Variants in KATNAL2 observed in about 807,000 individuals in gnomAD.
The protein encoded by KATNAL2 is katanin p60 ATPase-containing subunit A-like 2.
In KATNAL2, 52 loss-of-function variants were observed where a neutral mutation model predicts 76.3. That is an observed-to-expected ratio of 0.68 (90% confidence interval 0.55 to 0.86). The LOEUF is 0.86. KATNAL2 is among the 40% of genes least tolerant of loss of function. KATNAL2 has a pLI of 0.00. For synonymous variants in KATNAL2, 243 were observed against 244.2 expected, an observed-to-expected ratio of 1.00 and a Z score of 0.05; for missense variants, 660 against 668.9, an observed-to-expected ratio of 0.99 and a Z score of 0.15.
In KATNAL2 at chr18:47,066,356, C is replaced by G. The variant is rs554922694; in HGVS notation, c.727-665C>G. 7.9e-5 allele frequency among the ~76,000 whole-genome samples: 12 copies of G among 152,220 alleles called. No homozygotes were observed. The East Asian group carries it at 2.3e-3, about 29-fold the overall frequency. Reference sequence around the variant, plus strand: ...ACTGTAAATTAGTTATCAGTAAAAGCTACCTTAATTGATTATCCTAGATGG... The same window carrying G: ...ACTGTAAATTAGTTATCAGTAAAAGGTACCTTAATTGATTATCCTAGATGG... On this transcript the variant is annotated intron_variant, in intron 10 of 17. Transcript: ENST00000683218.
chr18:47,084,637 T>G (rs2062685233), intron 15 of KATNAL2, among the ~76,000 whole-genome samples: 2 of 151,746 alleles, frequency 1.3e-5, no homozygotes, highest in Admixed American at 1.3e-4. Context: ...TCACTTGAGG[T>G]CAGGTGTTCA....
rs58683275 is a variant in KATNAL2, at chr18:47,071,109, C to T, written c.1008+1509C>T. Among the ~76,000 whole-genome samples the T allele has an allele frequency of 1.0e-3, 155 of 152,240 alleles. 1 individual carries two copies. Among genetic ancestry groups the T allele is most frequent in the African/African-American group, 3.7e-3 (152 of 41,552 alleles). Reference sequence around the variant, plus strand: ...CGAGTATATGTGGGTTTCCCAGGATCGACTGTGGGACTCCCCAGTAGCTGA... The same window carrying T: ...CGAGTATATGTGGGTTTCCCAGGATTGACTGTGGGACTCCCCAGTAGCTGA... On this transcript the variant is annotated intron_variant, in intron 13 of 17. Coordinates refer to ENST00000683218, the MANE Select transcript of KATNAL2 (RefSeq NM_001387690.1).
rs750854833 is a variant in KATNAL2, at chr18:47,062,977, A to G, written c.555A>G (p.Gln185=). The G allele has an allele frequency of 6.2e-7, 1 of 1,613,824 alleles. No homozygotes were observed. Among genetic ancestry groups the G allele is most frequent in the Non-Finnish European group, 8.5e-7 (1 of 1,179,776 alleles). The change falls in exon 9 of 18, where the codon CAA becomes CAG. Residue 185 remains glutamine, a synonymous_variant. Coordinates refer to ENST00000683218, the MANE Select transcript of KATNAL2 (RefSeq NM_001387690.1). Reference sequence around the variant, plus strand: ...TAACCATTCCTCCCTTTCAGGGCCAAATCATTGACTTCCAAGGGCTGCTCA... The same window carrying G: ...TAACCATTCCTCCCTTTCAGGGCCAGATCATTGACTTCCAAGGGCTGCTCA... ...GEENAHPRRG[Q]IIDFQGLLTD...
intron 13 of KATNAL2, among the ~76,000 whole-genome samples, chr18:47,074,082 ATG>A (rs1284519080): frequency 6.6e-6 from 1 of 152,160 alleles, no homozygotes; most frequent in African/African-American, 2.4e-5. Context: ...TTCTTTGTGT[ATG>A]TGTGTGACAA....
chr18:47,034,209 C>T lies in KATNAL2; in HGVS notation c.52-12248C>T, dbSNP rs748051105. The T allele has an allele frequency of 2.5e-6, 4 of 1,613,696 alleles. No individual in the cohort carries two copies. The South Asian group carries it at 3.3e-5, about 13-fold the overall frequency. On this transcript the variant is annotated intron_variant, in intron 3 of 17. Coordinates refer to ENST00000683218, the MANE Select transcript of KATNAL2 (RefSeq NM_001387690.1). The stretch of plus-strand genomic sequence containing the variant: ...CGGACGTTCTGTCCAAATGAGCAGT[C>T]GGTGGCTTCCCCTCTTGAGTCTCTC...
chr18:47,084,736 C>T (rs1030622098), intron 15 of KATNAL2, among the ~76,000 whole-genome samples: 1 of 150,278 alleles, frequency 6.7e-6, no homozygotes, highest in Non-Finnish European at 1.5e-5. Flanking sequence ...GTAGTCCCAG[C>T]TACTCAGGAG....
chr18:47,073,458 T>G (rs1270899634), intron 13 of KATNAL2, among the ~76,000 whole-genome samples: 1 of 152,226 alleles, frequency 6.6e-6, no homozygotes, highest in East Asian at 1.9e-4. Flanking sequence ...TCTCTTTATT[T>G]TCTGAGCTTT....
intron 3 of KATNAL2, among the ~76,000 whole-genome samples, chr18:46,948,843 A>G (rs559324925): frequency 6.6e-6 from 1 of 151,902 alleles, no homozygotes; most frequent in African/African-American, 2.4e-5. Context: ...ACAATGGATC[A>G]ACTGATTACT....
At chr18:46,955,142 CTTTCTTTCTTTCTT>C (rs1316356299) in intron 3 of KATNAL2, among the ~76,000 whole-genome samples, 2 of 53,608 alleles carry the variant, frequency 3.7e-5, no homozygotes, top group Admixed American at 1.6e-4. Flanking sequence ...TTCTCTCTCT[CTTTCTTTCTTTCTT>C]TCTTTCTTTC....
In KATNAL2 at chr18:47,046,578, C is replaced by G. The variant is rs1002330134; in HGVS notation, c.122+51C>G. On this transcript the variant is annotated intron_variant, in intron 4 of 17. Transcript: ENST00000683218. ...GAGATGATTCCTCTTTCTCTGCTCT[C>G]TACTTTTCCAGATGCGTACTTTTAA... 3.8e-5 allele frequency: 47 copies of G among 1,244,802 alleles called. No individual in the cohort carries two copies. In the East Asian group the frequency reaches 1.0e-3, roughly 27 times the overall value. 77.1% of individuals were successfully genotyped at this position (1,244,802 alleles called of 1,614,324 possible).
chr18:47,068,293 CT>C (rs2061878967), intron 11 of KATNAL2, among the ~76,000 whole-genome samples: 1 of 152,220 alleles, frequency 6.6e-6, no homozygotes, highest in African/African-American at 2.4e-5. Context: ...TCTTAAACCA[CT>C]GAGCCCATGT....
In KATNAL2 at chr18:47,036,280, A is replaced by G. The variant is rs1286932628; in HGVS notation, c.52-10177A>G. ...GAAATGCTACAGCAAGAACTTTTTC[A>G]TGATTAGGTAGAACTCTCTGGTAAT... On this transcript the variant is annotated intron_variant, in intron 3 of 17. Transcript: ENST00000683218. 1.4e-4 allele frequency among the ~76,000 whole-genome samples: 21 copies of G among 152,342 alleles called. No homozygotes were observed. The East Asian group carries it at 4.0e-3, about 29-fold the overall frequency.
rs1251370838 is a variant in KATNAL2, at chr18:47,100,897, TATAG to T, written c.1510_1513del (p.Ile504Ter). 6.2e-7 allele frequency: 1 copy of T among 1,614,168 alleles called. No homozygotes were observed. Among genetic ancestry groups the T allele is most frequent in the Admixed American group, 1.7e-5 (1 of 60,028 alleles). Reference sequence around the variant, plus strand: ...GCGACTTACCCAGGATCCAGTTGGATATAGTAACCACTGCCGACTTTCTGGATGT... The same window carrying T: ...GCGACTTACCCAGGATCCAGTTGGATTAACCACTGCCGACTTTCTGGATGT... On this transcript the variant is annotated frameshift_variant, in exon 18 of 18. Coordinates refer to ENST00000683218, the MANE Select transcript of KATNAL2 (RefSeq NM_001387690.1). LOFTEE classifies it high-confidence loss of function.
intron 1 of KATNAL2, among the ~76,000 whole-genome samples, chr18:46,932,375 G>T (rs1380806722): frequency 6.6e-6 from 1 of 151,836 alleles, no homozygotes; most frequent in Non-Finnish European, 1.5e-5. Flanking sequence ...ACTACTAAAA[G>T]AAATTAAAAA....
chr18:47,042,438 T>G (rs371964292), intron 3 of KATNAL2, among the ~76,000 whole-genome samples: 3 of 152,202 alleles, frequency 2.0e-5, no homozygotes, highest in African/African-American at 7.2e-5. Flanking sequence ...TTCTTTTGGA[T>G]GGATATGTTT....
At position 47,046,546 on chromosome 18, in the gene KATNAL2, A is replaced by AT; in HGVS notation, c.122+22dup. 2.1e-6 allele frequency: 3 copies of AT among 1,446,940 alleles called. No homozygotes were observed. The highest frequency in any genetic ancestry group is 2.8e-6 in the Non-Finnish European group (3 of 1,065,682). 89.6% of individuals were successfully genotyped at this position (1,446,940 alleles called of 1,614,324 possible). A position where few individuals can be genotyped will look rare whatever the true frequency, so the allele number is the denominator to read the frequency against. On this transcript the variant is annotated intron_variant, in intron 4 of 17. Transcript: ENST00000683218. Reference sequence around the variant, plus strand: ...AAGAAGGGTATGTTACAGTACAAACATTTATAGAGATGATTCCTCTTTCTC... The same window carrying AT: ...AAGAAGGGTATGTTACAGTACAAACATTTTATAGAGATGATTCCTCTTTCTC...
intron 1 of KATNAL2, chr18:46,920,292 T>G (rs2058464158): frequency 2.9e-6 from 1 of 350,822 alleles, no homozygotes; most frequent in Admixed American, 3.4e-5. Flanking sequence ...AGATCAAGTG[T>G]GGACCCGTGC....
chr18:47,067,105 G>A lies in KATNAL2; in HGVS notation c.811G>A (p.Val271Met), dbSNP rs1467183397. The A allele has an allele frequency of 2.5e-6, 4 of 1,571,624 alleles. No individual in the cohort carries two copies. In the African/African-American group the frequency reaches 4.0e-5, roughly 16 times the overall value. Residue 271 changes from valine to methionine, a missense_variant, in exon 11 of 18, where the codon GTG becomes ATG. Physicochemically the swap from Val to Met is conservative, Grantham distance 21 (BLOSUM62 1). Coordinates refer to ENST00000683218, the MANE Select transcript of KATNAL2 (RefSeq NM_001387690.1). Reference sequence around the variant, plus strand: ...CAAGCAGTTAGTCAAAGAAGCTGTTGTGTATCCTATAAGGGTAAGGACGGG... The same window carrying A: ...CAAGCAGTTAGTCAAAGAAGCTGTTATGTATCCTATAAGGGTAAGGACGGG... ...AAKQLVKEAV[V>M]YPIRYPQLFT...
intron 3 of KATNAL2, among the ~76,000 whole-genome samples, chr18:46,960,877 G>A (rs537585365): frequency 2.1e-3 from 316 of 152,284 alleles, no homozygotes; most frequent in African/African-American, 7.1e-3. Flanking sequence ...CTCAGACACC[G>A]GGTTAAAGAA....
Sources: gnomAD v4.1 joint callset for allele counts (sites outside exome capture counted in the v4.1 genomes callset) on GRCh38, gnomAD v4.1.1 for gene constraint, MANE v1.5 for transcripts, NCBI Gene and HGNC (gene_info 2026-07-23, HGNC 2026-07-21) for gene names.